The following RSF1 variants were observed in gnomAD, a reference collection of about 807,000 sequenced individuals.
RSF1 encodes HBV pX-associated protein 8.
A neutral mutation model predicts 145.2 loss-of-function variants in RSF1; 13 were observed. That is an observed-to-expected ratio of 0.09 (90% CI 0.06 to 0.14). The LOEUF (loss-of-function observed/expected upper bound fraction) is 0.14, where lower values mean the gene tolerates loss of function less well. RSF1 is among the 10% of genes least tolerant of loss of function. RSF1 has a pLI of 1.00. For missense variants in RSF1, 1,517 were observed against 1,718.2 expected (o/e 0.88, Z 2.07); for synonymous variants, 577 against 592.6 (o/e 0.97, Z 0.38).
intron 1 of RSF1, among the ~76,000 whole-genome samples, chr11:77,810,639 T>C (rs181212504): frequency 6.6e-6 from 1 of 152,258 alleles, no homozygotes; most frequent in Non-Finnish European, 1.5e-5. Flanking sequence ...TGGCTCACTG[T>C]AATCTCTGCC....
At chr11:77,735,408 C>A (rs889590902) in intron 4 of RSF1, among the ~76,000 whole-genome samples, 10 of 151,846 alleles carry the variant, frequency 6.6e-5, no homozygotes, top group African/African-American at 2.4e-4. Flanking sequence ...GTTTAATTTG[C>A]AAAGTTCAGT....
intron 2 of RSF1, 188 bp downstream of exon 2, chr11:77,764,409 AG>A: frequency 3.9e-6 from 2 of 518,724 alleles, no homozygotes; most frequent in East Asian, 6.8e-5. Context: ...ATCTAACTTC[AG>A]GACTCAAGAC....
Position 77,820,646 on chromosome 11 carries a change from G to A in RSF1, c.69C>T (p.Phe23=), listed in dbSNP as rs1247602783. ...GCTCCAAGAAGGAGCAGACTACGGC[G>A]AAGTTGGGGCACGAACCCGGGCAGC... ...PPGCPGSCPN[F]AVVCSFLERY... is the part of the protein sequence containing the mutation. The change falls in exon 1 of 16, where the codon TTC becomes TTT. Residue 23 remains phenylalanine, a synonymous_variant. Coordinates refer to ENST00000308488, the MANE Select transcript of RSF1 (RefSeq NM_016578.4). The A allele has an allele frequency of 5.1e-6, 8 of 1,562,406 alleles. No homozygotes were observed. The highest frequency in any genetic ancestry group is 3.9e-5 in the Admixed American group (2 of 51,768).
chr11:77,704,919 T>C (rs1190758154), intron 5 of RSF1, among the ~76,000 whole-genome samples: 1 of 152,122 alleles, frequency 6.6e-6, no homozygotes, highest in East Asian at 1.9e-4. Flanking sequence ...GCCCGGCTAA[T>C]TTTGTATATT....
At position 77,667,422 on chromosome 11, in the gene RSF1, C is replaced by T. The variant is rs1959395961; in HGVS notation, c.3821G>A (p.Arg1274Gln). Residue 1274 changes from arginine (R) to glutamine (Q), a missense_variant, in exon 16 of 16, where the codon CGG (arginine) becomes CAG (glutamine). By Grantham distance (43) the Arg-to-Gln change is conservative. Around this residue, in one of 12 missense-constraint regions of RSF1, gnomAD observed 240 missense variants for 231.8 expected, o/e 1.04. Transcript: ENST00000308488. ...AKESKRSVRKRGRSTDEYSEA... is the reference protein window; with the variant it reads ...AKESKRSVRKQGRSTDEYSEA... ...TGAATACTCGTCTGTGCTTCGGCCC[C>T]GCTTTCGAACTGACCGCTTTGATTC... 2 of 1,613,802 alleles carry T rather than the reference C, an allele frequency of 1.2e-6. No individual in the cohort carries two copies. The highest frequency in any genetic ancestry group is 8.5e-7 in the Non-Finnish European group (1 of 1,180,022).
chr11:77,720,839 C>T (rs1024505254), intron 5 of RSF1, among the ~76,000 whole-genome samples: 1 of 152,128 alleles, frequency 6.6e-6, no homozygotes, highest in African/African-American at 2.4e-5. Context: ...AAAGAGAGAC[C>T]AGACTGAGAT....
rs749177916 is a variant in RSF1, at chr11:77,702,192, T to G, written c.1037A>C (p.Gln346Pro). Residue 346 changes from glutamine to proline, a missense_variant, in exon 6 of 16, where the codon CAG becomes CCG. Physicochemically the swap from Gln to Pro is moderately conservative, Grantham distance 76. This residue lies in a region of RSF1 where 207 missense variants were observed against 191.4 expected (regional missense o/e 1.08). Coordinates refer to ENST00000308488, the MANE Select transcript of RSF1 (RefSeq NM_016578.4). ...TKSSMEKPVA[Q>P]EPERIEFGGN... Reference sequence around the variant, plus strand: ...ACCAAATTCGATCCTTTCAGGCTCCTGTGCCACTGGCTTCTCCATGCTACT... The same window carrying G: ...ACCAAATTCGATCCTTTCAGGCTCCGGTGCCACTGGCTTCTCCATGCTACT... 5 of 1,614,104 alleles carry G rather than the reference T, an allele frequency of 3.1e-6. No individual in the cohort carries two copies. Among genetic ancestry groups the G allele is most frequent in the Non-Finnish European group, 4.2e-6 (5 of 1,179,992 alleles).
At chr11:77,762,671 A>C (rs138394694) in intron 2 of RSF1, 182 of 152,316 alleles carry the variant, frequency 1.2e-3, no homozygotes, top group African/African-American at 4.1e-3. Flanking sequence ...TTGTGTAATA[A>C]TGTAGTCTGC....
At chr11:77,734,801 G>T in intron 4 of RSF1, 1 of 1,594,326 alleles carries the variant, frequency 6.3e-7, no homozygotes, top group Non-Finnish European at 8.5e-7. Context: ...CCACCTCGTT[G>T]GTTCTGCAGC....
chr11:77,856,477 C>G, the RSF1 span, among the ~76,000 whole-genome samples: 18 of 152,162 alleles, frequency 1.2e-4, no homozygotes, highest in South Asian at 6.2e-4. Context: ...AGCAATACCC[C>G]CTTCCTGGTA....
upstream of RSF1, among the ~76,000 whole-genome samples, chr11:77,824,484 A>G (rs1949077554): frequency 6.6e-6 from 1 of 152,218 alleles, no homozygotes; most frequent in Admixed American, 6.5e-5. Context: ...AAATACCAAA[A>G]AGTCAAAAAC....
At chr11:77,711,070 T>C (rs1590844268) in intron 5 of RSF1, among the ~76,000 whole-genome samples, 1 of 150,762 alleles carries the variant, frequency 6.6e-6, no homozygotes, top group African/African-American at 2.4e-5. Context: ...CCAATGTCTC[T>C]AAGCCTTTTC....
intron 4 of RSF1, chr11:77,739,349 G>C (rs1961450185): frequency 6.6e-6 from 1 of 152,534 alleles, no homozygotes; most frequent in South Asian, 2.1e-4. Context: ...ACTACGCCAA[G>C]TTAATATGGG....
chr11:77,750,728 G>A (rs377225691), intron 2 of RSF1, among the ~76,000 whole-genome samples: 7 of 152,074 alleles, frequency 4.6e-5, no homozygotes, highest in African/African-American at 1.4e-4. Context: ...ATTATAATTT[G>A]GTTTTACATG....
At position 77,820,463 on chromosome 11, in the gene RSF1, T is replaced by C; in HGVS notation, c.187+65A>G. 2.7e-6 allele frequency: 4 copies of C among 1,487,030 alleles called. No homozygotes were observed. The South Asian group carries it at 5.0e-5, about 19-fold the overall frequency. The allele number at this position is 1,487,030 out of a possible 1,614,324, so 92.1% of individuals were successfully genotyped here. A position where few individuals can be genotyped will look rare whatever the true frequency, so the allele number is the denominator to read the frequency against. The stretch of plus-strand genomic sequence containing the variant: ...GAGCCGCGAAGAACCGGGGCGCCTG[T>C]GAAGAGCGGAGAGTAGCAGAGCGCC... On this transcript the variant is annotated intron_variant, in intron 1 of 15. Transcript: ENST00000308488.
At chr11:77,820,966 T>C, upstream of RSF1, 1 of 529,786 alleles carries the variant, frequency 1.9e-6, no homozygotes, top group Non-Finnish European at 3.3e-6. Context: ...CCCCCTTCTC[T>C]CCTCCCCTTC....
At chr11:77,719,786 G>A (rs1960902414) in intron 5 of RSF1, among the ~76,000 whole-genome samples, 1 of 152,114 alleles carries the variant, frequency 6.6e-6, no homozygotes, top group Non-Finnish European at 1.5e-5. Context: ...ACTGATACAT[G>A]CTACAACATG....
At chr11:77,872,162 T>A in the RSF1 span, 2 of 1,610,018 alleles carry the variant, frequency 1.2e-6, no homozygotes, top group South Asian at 2.2e-5. Context: ...TCATCTCTTT[T>A]CCACCTTCCC....
chr11:77,832,949 A>ATG, the RSF1 span, among the ~76,000 whole-genome samples: 21 of 96,320 alleles, frequency 2.2e-4, no homozygotes, highest in South Asian at 9.5e-4. Flanking sequence ...TTGTATATAT[A>ATG]TATGTGTGTG....
Sources: gnomAD v4.1 joint callset for allele counts (sites outside exome capture counted in the v4.1 genomes callset) on GRCh38, gnomAD v4.1.1 for gene constraint, gnomAD v4.1.1 regional missense constraint, MANE v1.5 for transcripts, NCBI Gene and HGNC (gene_info 2026-07-23, HGNC 2026-07-21) for gene names.